SETD9: variants seen among roughly 807,000 people sequenced by gnomAD.
SETD9 encodes the protein SET domain-containing protein 9.
A neutral mutation model predicts 36.4 loss-of-function variants in SETD9; 37 were observed. That is an observed-to-expected ratio of 1.02 (90% CI 0.78 to 1.34). SETD9 has a LOEUF of 1.34. Among genes scored for constraint, SETD9 ranks in the 40% most tolerant of loss-of-function variants. The probability of loss-of-function intolerance (pLI) is 0.00; values close to 1 mark genes in which losing one functional copy is unlikely to be tolerated. For missense variants in SETD9, 323 were observed against 353.2 expected, an observed-to-expected ratio of 0.91 and a Z score of 0.69; for synonymous variants, 128 against 132.9, an observed-to-expected ratio of 0.96 and a Z score of 0.26.
chr5:56,910,419 G>T (rs1360173624), intron 1 of SETD9: 1 of 1,302,926 alleles, frequency 7.7e-7, no homozygotes, highest in East Asian at 5.6e-5. Flanking sequence ...CGTTATTAAG[G>T]GCGCACCAGT....
chr5:56,919,974 T>C (rs1159672558), downstream of SETD9: 1 of 152,596 alleles, frequency 6.6e-6, no homozygotes, highest in Non-Finnish European at 1.5e-5. Flanking sequence ...ACAATGTGCT[T>C]TGAAACTCTG....
In SETD9 at chr5:56,914,986, A is replaced by T; in HGVS notation, c.812+20A>T. On this transcript the variant is annotated intron_variant, in intron 5 of 5. Coordinates refer to ENST00000285947, the MANE Select transcript of SETD9 (RefSeq NM_153706.4). ...ACAAAGGTTCGTTTGCTAAAAGAGC[A>T]TTTCATATCTTCTGCTTATGCTGTA... 1 of 1,543,760 alleles carries T rather than the reference A, an allele frequency of 6.5e-7. No homozygotes were observed. Among genetic ancestry groups the T allele is most frequent in the Non-Finnish European group, 8.9e-7 (1 of 1,124,868 alleles).
chr5:56,909,825 A>C, intron 1 of SETD9, 82 bp downstream of exon 1: 1 of 1,249,372 alleles, frequency 8.0e-7, no homozygotes, highest in Admixed American at 2.3e-5. Flanking sequence ...CAAAGCGGAG[A>C]GCCTGAGGCT....
chr5:56,913,253 T>C (rs1331748265), intron 3 of SETD9, 119 bp downstream of exon 3: 1 of 1,224,150 alleles, frequency 8.2e-7, no homozygotes, highest in African/African-American at 1.6e-5. Flanking sequence ...GGGGTCTTGC[T>C]ATGTTGTCCA....
chr5:56,912,614 G>A (rs948259485), intron 2 of SETD9, among the ~76,000 whole-genome samples: 4 of 152,140 alleles, frequency 2.6e-5, no homozygotes, highest in African/African-American at 4.8e-5. Flanking sequence ...CAGCCTTAAT[G>A]TCAGACTCAT....
upstream of SETD9, chr5:56,909,488 G>A (rs1055109750): frequency 7.3e-6 from 4 of 544,456 alleles, no homozygotes; most frequent in South Asian, 4.9e-5. Context: ...GAAGGACGAA[G>A]CCCCAGAGCA....
At chr5:56,921,004 G>C (rs1749645624), downstream of SETD9, 1 of 152,414 alleles carries the variant, frequency 6.6e-6, no homozygotes, top group Non-Finnish European at 1.5e-5. Context: ...AATAACTAAA[G>C]TGTCCATTCA....
At chr5:56,909,859 G>A in intron 1 of SETD9, 116 bp downstream of exon 1, 2 of 703,638 alleles carry the variant, frequency 2.8e-6, no homozygotes, top group Middle Eastern at 3.2e-4. Context: ...AGATGGGCGG[G>A]CCCGGGTGGG....
intron 5 of SETD9, among the ~76,000 whole-genome samples, chr5:56,925,072 A>G (rs1749896426): frequency 6.6e-6 from 1 of 152,234 alleles, no homozygotes; most frequent in South Asian, 2.1e-4. Context: ...TGTTTACGGA[A>G]TGAATGGATA....
intron 5 of SETD9, chr5:56,923,833 C>A (rs369881757): frequency 1.2e-6 from 2 of 1,614,042 alleles, no homozygotes; most frequent in Admixed American, 3.3e-5. Context: ...CCATATAGTC[C>A]CTGAAAAACA....
downstream of SETD9, chr5:56,928,887 T>C (rs252893): frequency 0.73 from 1,150,880 of 1,582,080 alleles, 421,967 homozygotes; most frequent in Non-Finnish European, 0.75. Context: ...AAATAAAATT[T>C]ATGGGCCCCC....
At chr5:56,927,941 G>A (rs1445855562), downstream of SETD9, 2 of 152,086 alleles carry the variant, frequency 1.3e-5, no homozygotes, top group Non-Finnish European at 2.9e-5. Flanking sequence ...GCTTTTTTCA[G>A]AATATCATAT....
At chr5:56,912,090 G>T in intron 2 of SETD9, 1 of 661,334 alleles carries the variant, frequency 1.5e-6, no homozygotes, top group Non-Finnish European at 1.9e-6. Flanking sequence ...GGGAGGCGGA[G>T]GTTGCAGTGA....
rs538386345 is a variant in SETD9, at chr5:56,916,822, C to T, written c.820C>T (p.Arg274Ter). The T allele has an allele frequency of 2.6e-5, 41 of 1,602,398 alleles. No individual in the cohort carries two copies. The highest frequency in any genetic ancestry group is 3.3e-4 in the Middle Eastern group (2 of 6,048). ...ATATCTTTTTGTTTTCAGCCCACTTCGATGTGTTGTTCTTGTCGCACTTAG... is the reference window on the plus strand; with the variant it reads ...ATATCTTTTTGTTTTCAGCCCACTTTGATGTGTTGTTCTTGTCGCACTTAG... ...AYSYDKQSPL[R>*]CVVLVALRDI... The change falls in exon 6 of 6, where the codon CGA becomes TGA. Residue 274 changes from arginine to a stop codon, truncating the protein, a stop_gained. Coordinates refer to ENST00000285947, the MANE Select transcript of SETD9 (RefSeq NM_153706.4). LOFTEE classifies it high-confidence loss of function.
intron 5 of SETD9, chr5:56,922,915 A>G: frequency 1.8e-6 from 1 of 553,762 alleles, no homozygotes; most frequent in Non-Finnish European, 3.2e-6. Context: ...GTTCAATCTT[A>G]GTTCCCAACT....
At chr5:56,911,071 G>C (rs2112008852) in intron 1 of SETD9, 98 bp from the exon 2 acceptor site, 1 of 1,375,280 alleles carries the variant, frequency 7.3e-7, no homozygotes, top group African/African-American at 1.4e-5. Context: ...ATGAGAATAA[G>C]CTTATAGTTC....
At position 56,913,793 on chromosome 5, in the gene SETD9, C is replaced by T. The variant is rs1329337251; in HGVS notation, c.591-81C>T. The T allele has an allele frequency of 2.0e-5, 13 of 642,342 alleles. No individual in the cohort carries two copies. In the Admixed American group the frequency reaches 3.4e-4, roughly 17 times the overall value. The allele number at this position is 642,342 out of a possible 1,614,324, so 39.8% of individuals were successfully genotyped here. On this transcript the variant is annotated intron_variant, in intron 3 of 5. Transcript: ENST00000285947. ...TTTTTTTTTTTTAAGAAAAAATGCA[C>T]TGGTGTAATTCTAGGGTTTTGTATT...
intron 5 of SETD9, chr5:56,923,716 G>C: frequency 6.2e-7 from 1 of 1,614,244 alleles, no homozygotes; most frequent in Non-Finnish European, 8.5e-7. Flanking sequence ...CAGTGAAGGA[G>C]TTGAGAATGT....
chr5:56,925,667 G>A (rs552071242), downstream of SETD9: 14 of 167,354 alleles, frequency 8.4e-5, no homozygotes, highest in African/African-American at 3.1e-4. Context: ...TTGTTAAGAC[G>A]TCAGTTCTTC....
Sources: allele counts gnomAD v4.1 joint callset (sites outside exome capture counted in the v4.1 genomes callset), GRCh38; gene constraint gnomAD v4.1.1; transcripts MANE v1.5; gene names NCBI Gene and HGNC (gene_info 2026-07-23, HGNC 2026-07-21).